Variants in SPIRE1 observed in about 807,000 individuals in gnomAD.
SPIRE1 encodes the protein spire type actin nucleation factor 1, also known as protein spire homolog 1.
SPIRE1 carries 40 observed loss-of-function variants against 94.1 expected under a neutral mutation model. That is an observed-to-expected ratio of 0.43 (90% CI 0.33 to 0.55). The LOEUF (loss-of-function observed/expected upper bound fraction) is 0.55. Among genes scored for constraint, SPIRE1 ranks in the 20% least tolerant of loss-of-function variants. SPIRE1 has a pLI of 0.06. For missense variants in SPIRE1, 838 were observed against 975.2 expected, an observed-to-expected ratio of 0.86 and a Z score of 1.87; for synonymous variants, 376 against 371.7, an observed-to-expected ratio of 1.01 and a Z score of -0.13.
chr18:12,526,940 C>T (rs1481660375), intron 4 of SPIRE1, among the ~76,000 whole-genome samples: 1 of 152,104 alleles, frequency 6.6e-6, no homozygotes, highest in Non-Finnish European at 1.5e-5. Flanking sequence ...AATCTCTTGA[C>T]ATCGTGATCC....
At chr18:12,557,110 G>A (rs561726410) in intron 2 of SPIRE1, among the ~76,000 whole-genome samples, 109 of 152,344 alleles carry the variant, frequency 7.2e-4, no homozygotes, top group Non-Finnish European at 1.1e-3. Flanking sequence ...TTGGGGCTGC[G>A]GGTGGAGCTG....
intron 2 of SPIRE1, among the ~76,000 whole-genome samples, chr18:12,574,638 G>A (rs2036045676): frequency 6.6e-6 from 1 of 152,172 alleles, no homozygotes; most frequent in South Asian, 2.1e-4. Flanking sequence ...GAGAGCCATG[G>A]GCTAGGAACA....
intron 2 of SPIRE1, among the ~76,000 whole-genome samples, chr18:12,562,047 C>G (rs899234848): frequency 1.3e-5 from 2 of 152,100 alleles, no homozygotes; most frequent in Non-Finnish European, 2.9e-5. Context: ...TAACAGCATC[C>G]AAGTTAAGTT....
At position 12,577,849 on chromosome 18, in the gene SPIRE1, A is replaced by G. The variant is rs78458535; in HGVS notation, c.373-30945T>C. 3.5e-4 allele frequency among the ~76,000 whole-genome samples: 53 copies of G among 149,562 alleles called. No individual in the cohort carries two copies. In the East Asian group the frequency reaches 9.2e-3, roughly 26 times the overall value. ...AACTTGAGTCTAGAATGTATTTTTT[A>G]AAAAACAGAACTCAGTAAGATAAAC... On this transcript the variant is annotated intron_variant, in intron 2 of 16. Coordinates refer to ENST00000409402, the MANE Select transcript of SPIRE1 (RefSeq NM_001128626.2).
chr18:12,516,489 G>A (rs544495328), intron 4 of SPIRE1, among the ~76,000 whole-genome samples: 109 of 152,208 alleles, frequency 7.2e-4, no homozygotes, highest in African/African-American at 1.6e-3. Flanking sequence ...GAGGGAGCAT[G>A]CCAGCCCTAA....
chr18:12,449,591 G>T lies in SPIRE1; in HGVS notation c.*47C>A, dbSNP rs764051212. The T allele has an allele frequency of 6.3e-7, 1 of 1,585,284 alleles. No individual in the cohort carries two copies. Among genetic ancestry groups the T allele is most frequent in the Middle Eastern group, 2.0e-4 (1 of 4,982 alleles). On this transcript the variant is annotated 3_prime_UTR_variant, in exon 17 of 17. Transcript: ENST00000409402. ...AGCCAGCCCGGCTCAGTGTCCTCGC[G>T]CACGGACGCTGACTCGTAGCACAAA...
chr18:12,479,232 T>TGG (rs1292631610), intron 10 of SPIRE1, among the ~76,000 whole-genome samples: 1 of 150,090 alleles, frequency 6.7e-6, no homozygotes, highest in East Asian at 2.0e-4. Context: ...TGGAATGCAG[T>TGG]GGCACAGTCA....
Position 12,658,058 on chromosome 18 carries a change from C to G in SPIRE1, c.-192G>C. ...CAAGAGGAGGGCGGCGAGGACACGG[C>G]TGCAGTCCCGGTCAGACAGCCGCCG... is the stretch of plus-strand genomic sequence containing the variant. On this transcript the variant is annotated 5_prime_UTR_variant, in exon 1 of 17. Transcript: ENST00000409402. 1 of 992,308 alleles carries G rather than the reference C, an allele frequency of 1.0e-6. No homozygotes were observed. Among genetic ancestry groups the G allele is most frequent in the Non-Finnish European group, 1.2e-6 (1 of 835,630 alleles). 61.5% of individuals were successfully genotyped at this position (992,308 alleles called of 1,614,324 possible). A position where few individuals can be genotyped will look rare whatever the true frequency, so the allele number is the denominator to read the frequency against.
intron 2 of SPIRE1, among the ~76,000 whole-genome samples, chr18:12,612,699 T>A (rs763172082): frequency 3.2e-4 from 48 of 152,274 alleles, no homozygotes; most frequent in Non-Finnish European, 4.7e-4. Context: ...ACCCTACTCC[T>A]CCCCTGACTA....
At chr18:12,593,920 A>G (rs967390922) in intron 2 of SPIRE1, among the ~76,000 whole-genome samples, 1 of 151,854 alleles carries the variant, frequency 6.6e-6, no homozygotes, top group Non-Finnish European at 1.5e-5. Context: ...ACTGCACTCC[A>G]GCCTGGGCAA....
chr18:12,500,193 AG>A (rs141659521), intron 6 of SPIRE1, among the ~76,000 whole-genome samples: 1 of 152,346 alleles, frequency 6.6e-6, no homozygotes, highest in African/African-American at 2.4e-5. Context: ...TCACTATTTA[AG>A]TGATAGGTAC....
chr18:12,491,804 G>A (rs1184660882), intron 8 of SPIRE1, among the ~76,000 whole-genome samples: 1 of 152,216 alleles, frequency 6.6e-6, no homozygotes, highest in Non-Finnish European at 1.5e-5. Flanking sequence ...AAGACTGGAA[G>A]CAGGAGGACA....
intron 1 of SPIRE1, among the ~76,000 whole-genome samples, chr18:12,654,207 C>T (rs2038462008): frequency 6.6e-6 from 1 of 151,096 alleles, no homozygotes; most frequent in African/African-American, 2.4e-5. Context: ...CATGGTGGTA[C>T]ACACCTGTAA....
chr18:12,583,719 G>T (rs1243147884), intron 2 of SPIRE1, among the ~76,000 whole-genome samples: 1 of 152,084 alleles, frequency 6.6e-6, no homozygotes, highest in African/African-American at 2.4e-5. Flanking sequence ...GAGCCCAGGA[G>T]TTCAAGATCA....
chr18:12,566,039 A>AAAC (rs1567938199), intron 2 of SPIRE1, among the ~76,000 whole-genome samples: 54 of 149,828 alleles, frequency 3.6e-4, no homozygotes, highest in African/African-American at 9.6e-4. Context: ...AACAAACAAA[A>AAAC]AAAAAAATTC....
intron 2 of SPIRE1, among the ~76,000 whole-genome samples, chr18:12,612,643 T>G (rs114447029): frequency 6.6e-6 from 1 of 152,184 alleles, no homozygotes; most frequent in African/African-American, 2.4e-5. Flanking sequence ...TCTAGGAAAT[T>G]TGTATGCATA....
At chr18:12,622,608 G>C (rs1567973686) in intron 2 of SPIRE1, among the ~76,000 whole-genome samples, 1 of 150,416 alleles carries the variant, frequency 6.6e-6, no homozygotes, top group African/African-American at 2.4e-5. Context: ...ATTTTTAGTA[G>C]AGACAGGGTT....
intron 5 of SPIRE1, among the ~76,000 whole-genome samples, chr18:12,508,440 C>G (rs990652530): frequency 6.6e-6 from 1 of 152,138 alleles, no homozygotes; most frequent in Non-Finnish European, 1.5e-5. Flanking sequence ...TAAAAAGATT[C>G]TTAGATTCTG....
chr18:12,556,843 C>A lies in SPIRE1; in HGVS notation c.373-9939G>T, dbSNP rs2035526050. The stretch of plus-strand genomic sequence containing the variant: ...AAAGAGCGAAAGAACAAAGCTTCCA[C>A]AGTGTGGAAGGGGACCCCAGCGGGT... On this transcript the variant is annotated intron_variant, in intron 2 of 16. Coordinates refer to ENST00000409402, the MANE Select transcript of SPIRE1 (RefSeq NM_001128626.2). 1.3e-5 allele frequency among the ~76,000 whole-genome samples: 2 copies of A among 152,294 alleles called. 1 individual carries two copies. The highest frequency in any genetic ancestry group is 3.9e-4 in the East Asian group (2 of 5,180).
Sources: gnomAD v4.1 joint callset for allele counts (sites outside exome capture counted in the v4.1 genomes callset) on GRCh38, gnomAD v4.1.1 for gene constraint, MANE v1.5 for transcripts, NCBI Gene and HGNC (gene_info 2026-07-23, HGNC 2026-07-21) for gene names.